ZNF423: variants seen among roughly 807,000 people sequenced by gnomAD.
The protein encoded by ZNF423 is zinc finger protein 423, also known as Ebf-associated zinc finger protein.
A neutral mutation model predicts 95.8 loss-of-function variants in ZNF423; 12 were observed. That is an observed-to-expected ratio of 0.13 (90% CI 0.08 to 0.20). The LOEUF (loss-of-function observed/expected upper bound fraction) is 0.20. Among genes scored for constraint, ZNF423 ranks in the 10% least tolerant of loss-of-function variants. The pLI is 1.00. For missense variants in ZNF423, 1,316 were observed against 1,737.1 expected (o/e 0.76, Z 4.31); for synonymous variants, 749 against 711.9 (o/e 1.05, Z -0.83).
At chr16:49,563,392 G>T (rs1327288757) in intron 5 of ZNF423, among the ~76,000 whole-genome samples, 1 of 152,018 alleles carries the variant, frequency 6.6e-6, no homozygotes, top group Non-Finnish European at 1.5e-5. Context: ...CCAGATGCTG[G>T]TGCCATGCTT....
At chr16:49,853,496 TG>T (rs1439569409) in intron 1 of ZNF423, among the ~76,000 whole-genome samples, 1 of 152,132 alleles carries the variant, frequency 6.6e-6, no homozygotes, top group African/African-American at 2.4e-5. Flanking sequence ...CAAAAAGCCA[TG>T]GGAAGAATCA....
In ZNF423 at chr16:49,741,237, G is replaced by A. The variant is rs145325746; in HGVS notation, c.101-10266C>T. Among the ~76,000 whole-genome samples, 665 of 151,782 alleles carry A rather than the reference G, an allele frequency of 4.4e-3. 11 individuals carry two copies. The highest frequency in any genetic ancestry group is 0.035 in the East Asian group (182 of 5,160). ...AGAAGAAAATCCATGGCTCACAGCT[G>A]TAATCCCAGCACTTTGGGGGGCCAA... is the stretch of plus-strand genomic sequence containing the variant. On this transcript the variant is annotated intron_variant, in intron 2 of 7. Coordinates refer to ENST00000563137, the MANE Select transcript of ZNF423 (RefSeq NM_001379286.1).
chr16:49,715,340 G>C (rs1401097305), intron 3 of ZNF423, among the ~76,000 whole-genome samples: 1 of 152,222 alleles, frequency 6.6e-6, no homozygotes, highest in African/African-American at 2.4e-5. Context: ...TGGAGACACA[G>C]AAGGAAGTGA....
intron 3 of ZNF423, among the ~76,000 whole-genome samples, chr16:49,672,177 G>A (rs530447639): frequency 6.6e-6 from 1 of 152,200 alleles, no homozygotes; most frequent in South Asian, 2.1e-4. Context: ...TAATGTGAAC[G>A]AAATAAAGAC....
chr16:49,765,748 G>T (rs538314842), intron 2 of ZNF423, among the ~76,000 whole-genome samples: 29 of 152,100 alleles, frequency 1.9e-4, no homozygotes, highest in Admixed American at 4.6e-4. Flanking sequence ...TCAAAGAAAA[G>T]GGAGGAAATT....
chr16:49,729,784 C>T (rs1273751987), intron 3 of ZNF423, among the ~76,000 whole-genome samples: 2 of 151,920 alleles, frequency 1.3e-5, no homozygotes, highest in Admixed American at 1.3e-4. Flanking sequence ...ATAGCAGTTC[C>T]CCAAACACTT....
chr16:49,801,410 C>T (rs1421037042), intron 1 of ZNF423, among the ~76,000 whole-genome samples: 1 of 152,194 alleles, frequency 6.6e-6, no homozygotes, highest in Non-Finnish European at 1.5e-5. Flanking sequence ...CCTGGGGGCC[C>T]AGACGAGGCG....
At chr16:49,825,265 G>A (rs1273820758) in intron 1 of ZNF423, among the ~76,000 whole-genome samples, 1 of 152,266 alleles carries the variant, frequency 6.6e-6, no homozygotes, top group South Asian at 2.1e-4. Flanking sequence ...AAAATCTGGT[G>A]TTGATGGCAA....
chr16:49,618,812 C>T (rs1334289405), intron 5 of ZNF423, among the ~76,000 whole-genome samples: 2 of 152,122 alleles, frequency 1.3e-5, no homozygotes, highest in African/African-American at 2.4e-5. Flanking sequence ...CACCTGAGAC[C>T]TTTGAGTCTT....
intron 3 of ZNF423, among the ~76,000 whole-genome samples, chr16:49,658,302 GGA>G (rs1408562821): frequency 6.6e-6 from 1 of 152,162 alleles, no homozygotes; most frequent in African/African-American, 2.4e-5. Flanking sequence ...GAGGCAGGCA[GGA>G]GAGAAGAGGT....
chr16:49,664,338 G>A (rs935794602), intron 3 of ZNF423: 4 of 967,278 alleles, frequency 4.1e-6, no homozygotes, highest in Non-Finnish European at 4.9e-6. Flanking sequence ...GCTAGCGGGA[G>A]AGGAAGGGCC....
intron 3 of ZNF423, among the ~76,000 whole-genome samples, chr16:49,705,464 T>C (rs1397138069): frequency 6.6e-6 from 1 of 152,176 alleles, no homozygotes; most frequent in Non-Finnish European, 1.5e-5. Flanking sequence ...CCAAAATGAC[T>C]CTCTGGATCT....
intron 3 of ZNF423, among the ~76,000 whole-genome samples, chr16:49,671,681 TTTTA>T (rs1344460599): frequency 1.3e-5 from 2 of 152,168 alleles, no homozygotes; most frequent in African/African-American, 4.8e-5. Context: ...TTATTTTATT[TTTTA>T]TTTATTATTT....
At chr16:49,580,850 T>C (rs1970649188) in intron 5 of ZNF423, among the ~76,000 whole-genome samples, 1 of 152,148 alleles carries the variant, frequency 6.6e-6, no homozygotes, top group Admixed American at 6.5e-5. Flanking sequence ...CAGGGTGCTC[T>C]GTGGATCGTG....
intron 5 of ZNF423, among the ~76,000 whole-genome samples, chr16:49,621,118 G>A (rs564498442): frequency 3.3e-5 from 5 of 152,292 alleles, no homozygotes; most frequent in South Asian, 2.1e-4. Context: ...CAGAGTCCTC[G>A]GAGGGGGTGA....
At chr16:49,741,284 C>T (rs2143492598) in intron 2 of ZNF423, among the ~76,000 whole-genome samples, 2 of 151,948 alleles carry the variant, frequency 1.3e-5, no homozygotes, top group Middle Eastern at 3.4e-3. Context: ...CATTTGAGGT[C>T]ATGAGTTGGA....
chr16:49,699,201 A>G (rs2032085120), intron 3 of ZNF423, among the ~76,000 whole-genome samples: 1 of 152,214 alleles, frequency 6.6e-6, no homozygotes, highest in Non-Finnish European at 1.5e-5. Context: ...CACTGACGTC[A>G]GGGGGTAATT....
At chr16:49,831,817 C>G (rs545672388) in intron 1 of ZNF423, among the ~76,000 whole-genome samples, 1 of 151,804 alleles carries the variant, frequency 6.6e-6, no homozygotes, top group Non-Finnish European at 1.5e-5. Context: ...ATGGCGAAAC[C>G]CCATCTCTAC....
intron 3 of ZNF423, among the ~76,000 whole-genome samples, chr16:49,693,806 C>A (rs532889792): frequency 6.6e-6 from 1 of 152,190 alleles, no homozygotes; most frequent in Non-Finnish European, 1.5e-5. Context: ...CCAACAAAAA[C>A]GAAAGCAGAG....
Sources: allele counts gnomAD v4.1 joint callset (sites outside exome capture counted in the v4.1 genomes callset), GRCh38; gene constraint gnomAD v4.1.1; transcripts MANE v1.5; gene names NCBI Gene and HGNC (gene_info 2026-07-23, HGNC 2026-07-21).